The following SH3KBP1 variants were observed in gnomAD, a reference collection of about 807,000 sequenced individuals.
SH3KBP1 encodes SH3 domain-containing kinase-binding protein 1.
Under a neutral mutation model 50.1 loss-of-function variants are expected in SH3KBP1, and 8 were observed. The observed-to-expected ratio is 0.16, with a 90% CI of 0.09 to 0.29. The LOEUF (loss-of-function observed/expected upper bound fraction) is 0.29. Ranked by LOEUF, SH3KBP1 falls within the 10% of genes least tolerant of loss-of-function variation. The pLI, the probability that SH3KBP1 is intolerant of heterozygous loss-of-function variation, is 1.00. For synonymous variants in SH3KBP1, 227 were observed against 218.6 expected (o/e 1.04, Z -0.34); for missense variants, 377 against 535.2 (o/e 0.70, Z 2.92).
intron 17 of SH3KBP1, among the ~76,000 whole-genome samples, chrX:19,536,930 G>C (rs767571599): frequency 8.9e-6 from 1 of 111,885 alleles, no homozygotes. Flanking sequence ...GTCTACCTTC[G>C]GTCAATCAGA....
chrX:19,848,504 C>G (rs1053185126), intron 1 of SH3KBP1, among the ~76,000 whole-genome samples: 2 of 112,595 alleles, frequency 1.8e-5, no homozygotes, highest in African/African-American at 6.5e-5. Flanking sequence ...CACAGTGATA[C>G]TTTTAAAACA....
At position 19,621,077 on chromosome X, in the gene SH3KBP1, T is replaced by C. The variant is rs112419314; in HGVS notation, c.897+10787A>G. Among the ~76,000 whole-genome samples, 437 of 91,353 alleles carry C rather than the reference T, an allele frequency of 4.8e-3. 5 individuals carry two copies. The highest frequency in any genetic ancestry group is 0.016 in the African/African-American group (354 of 22,375). The allele number at this position is 91,353 out of a possible 115,157, so 79.3% of individuals were successfully genotyped here. A position where few individuals can be genotyped will look rare whatever the true frequency, so the allele number is the denominator to read the frequency against. On this transcript the variant is annotated intron_variant, in intron 8 of 17. Coordinates refer to ENST00000397821, the MANE Select transcript of SH3KBP1 (RefSeq NM_031892.3). ...CCAATACCATTTCTTTTCTTTCTTT[T>C]TTTTTTTTTTTTTTTGAGACGGAAT...
rs529885866 is a variant in SH3KBP1 at position 19,772,827 on chromosome X, C to G, written c.163-26386G>C. Among the ~76,000 whole-genome samples, 14 of 111,840 alleles carry G rather than the reference C, an allele frequency of 1.3e-4. 1 individual carries two copies. The South Asian group carries it at 4.9e-3, about 39-fold the overall frequency. On this transcript the variant is annotated intron_variant, in intron 2 of 17. Coordinates refer to ENST00000397821, the MANE Select transcript of SH3KBP1 (RefSeq NM_031892.3). ...CTGGCTCTTCCTCCTCATCTTCCCC[C>G]ACTCTTGTGACAGGTGTGACAAGAT... is the stretch of plus-strand genomic sequence containing the variant.
At position 19,564,074 on chromosome X, in the gene SH3KBP1, ATAACTGGCTCTCTGGC is replaced by A. The variant is rs368806090; in HGVS notation, c.1384+5013_1384+5028del. The stretch of plus-strand genomic sequence containing the variant: ...ATGATCTGACATGCTGCAAGGACCA[ATAACTGGCTCTCTGGC>A]TCCAAAAGGGGAAGTTTAAAATATG... On this transcript the variant is annotated intron_variant, in intron 13 of 17. Coordinates refer to ENST00000397821, the MANE Select transcript of SH3KBP1 (RefSeq NM_031892.3). Among the ~76,000 whole-genome samples the A allele has an allele frequency of 9.9e-3, 1,105 of 111,858 alleles. 15 individuals carry two copies. The highest frequency in any genetic ancestry group is 0.034 in the African/African-American group (1,036 of 30,756).
intron 1 of SH3KBP1, among the ~76,000 whole-genome samples, chrX:19,844,886 T>C (rs773898741): frequency 1.1e-3 from 126 of 110,891 alleles, no homozygotes; most frequent in African/African-American, 4.0e-3. Flanking sequence ...AAGACCAGCC[T>C]GGCCAAGATG....
chrX:19,832,501 G>A (rs896313896), intron 2 of SH3KBP1, among the ~76,000 whole-genome samples: 38 of 111,551 alleles, frequency 3.4e-4, no homozygotes, highest in Non-Finnish European at 1.9e-4. Flanking sequence ...CCAGGGACTC[G>A]AAACAAGGAA....
At chrX:19,663,918 T>C (rs2062529573) in intron 6 of SH3KBP1, among the ~76,000 whole-genome samples, 1 of 111,620 alleles carries the variant, frequency 9.0e-6, no homozygotes, top group Non-Finnish European at 1.9e-5. Context: ...AAAACTCATC[T>C]CCACAAAAAA....
At chrX:19,767,545 A>G (rs959027048) in intron 2 of SH3KBP1, among the ~76,000 whole-genome samples, 1 of 111,335 alleles carries the variant, frequency 9.0e-6, no homozygotes, top group African/African-American at 3.3e-5. Flanking sequence ...GTATTTATAA[A>G]ATTTGTCCTG....
At chrX:19,873,616 G>A (rs933324367) in intron 1 of SH3KBP1, among the ~76,000 whole-genome samples, 5 of 107,717 alleles carry the variant, frequency 4.6e-5, no homozygotes, top group Non-Finnish European at 9.6e-5. Context: ...AGGTTGCAGT[G>A]AGCCGAGATC....
At chrX:19,812,091 GC>G (rs1395898190) in intron 2 of SH3KBP1, among the ~76,000 whole-genome samples, 4 of 111,479 alleles carry the variant, frequency 3.6e-5, no homozygotes, top group African/African-American at 1.3e-4. Flanking sequence ...ACTCAGGCAA[GC>G]CCACTTTGTT....
intron 1 of SH3KBP1, among the ~76,000 whole-genome samples, chrX:19,879,202 G>A (rs751017648): frequency 2.8e-4 from 32 of 112,340 alleles, no homozygotes; most frequent in African/African-American, 5.2e-4. Flanking sequence ...CCTTGATTGC[G>A]CCACTGCACT....
At chrX:19,658,118 A>G (rs1177272597) in intron 6 of SH3KBP1, among the ~76,000 whole-genome samples, 1 of 111,842 alleles carries the variant, frequency 8.9e-6, no homozygotes, top group Non-Finnish European at 1.9e-5. Context: ...CTCTCTGGCC[A>G]GGAATGTCGA....
At chrX:19,878,523 AGAG>A (rs1199391335) in intron 1 of SH3KBP1, among the ~76,000 whole-genome samples, 4 of 104,513 alleles carry the variant, frequency 3.8e-5, no homozygotes, top group African/African-American at 1.4e-4. Flanking sequence ...AGAGAGAGAG[AGAG>A]AGAGAGAAAA....
At chrX:19,709,733 T>C (rs1312000664) in intron 3 of SH3KBP1, among the ~76,000 whole-genome samples, 2 of 111,932 alleles carry the variant, frequency 1.8e-5, no homozygotes, top group African/African-American at 6.5e-5. Context: ...TGATTTGAAT[T>C]TGTTTGCCAG....
At chrX:19,639,267 T>C (rs1298742435) in intron 7 of SH3KBP1, among the ~76,000 whole-genome samples, 3 of 111,951 alleles carry the variant, frequency 2.7e-5, no homozygotes, top group African/African-American at 9.7e-5. Context: ...CGGATGCTGT[T>C]GGGAATTTGA....
rs1049836534 is a variant in SH3KBP1, at chrX:19,534,860, G to T, written c.*1557C>A. 3.4e-5 allele frequency: 10 copies of T among 296,008 alleles called. No individual in the cohort carries two copies. The highest frequency in any genetic ancestry group is 2.2e-4 in the African/African-American group (8 of 36,446). The allele number at this position is 296,008 out of a possible 1,213,427, so 24.4% of individuals were successfully genotyped here. A position where few individuals can be genotyped will look rare whatever the true frequency, so the allele number is the denominator to read the frequency against. Reference sequence around the variant, plus strand: ...AGGCAGGGGGAGGAAGGGAGGAAGAGAAAGGAAGAGACATTTATTTGTAAT... The same window carrying T: ...AGGCAGGGGGAGGAAGGGAGGAAGATAAAGGAAGAGACATTTATTTGTAAT... On this transcript the variant is annotated 3_prime_UTR_variant, in exon 18 of 18. Coordinates refer to ENST00000397821, the MANE Select transcript of SH3KBP1 (RefSeq NM_031892.3).
intron 3 of SH3KBP1, among the ~76,000 whole-genome samples, chrX:19,727,743 T>G (rs889253646): frequency 8.9e-6 from 1 of 112,468 alleles, no homozygotes; most frequent in Non-Finnish European, 1.9e-5. Flanking sequence ...CCCAGCATTT[T>G]GGGAGGCCGA....
chrX:19,800,117 G>A (rs1424724766), intron 2 of SH3KBP1, among the ~76,000 whole-genome samples: 1 of 111,533 alleles, frequency 9.0e-6, no homozygotes, highest in East Asian at 2.8e-4. Flanking sequence ...GAAACAAAGG[G>A]CATATGGTGT....
chrX:19,642,790 AATATCATAAAAGCTTTTTTTTTTG>A (rs1053587837), intron 7 of SH3KBP1, among the ~76,000 whole-genome samples: 47 of 111,541 alleles, frequency 4.2e-4, no homozygotes, highest in Non-Finnish European at 2.4e-4. Context: ...GATGAATTTC[AATATCATAAAAGCTTTTTTTTTTG>A]AGAGGGTGGG....
Sources: gnomAD v4.1 joint callset for allele counts (sites outside exome capture counted in the v4.1 genomes callset) on GRCh38, gnomAD v4.1.1 for gene constraint, MANE v1.5 for transcripts, NCBI Gene and HGNC (gene_info 2026-07-23, HGNC 2026-07-21) for gene names.